Variants in AHRR observed in about 807,000 individuals in gnomAD.
The protein encoded by AHRR is aryl hydrocarbon receptor repressor.
A neutral mutation model predicts 44.0 loss-of-function variants in AHRR; 28 were observed. The ratio of observed to expected loss-of-function variants is 0.64; its 90% CI spans 0.47 to 0.87. The LOEUF (loss-of-function observed/expected upper bound fraction) is 0.87, where lower values mean the gene tolerates loss of function less well. AHRR is among the 40% of genes least tolerant of loss of function. The pLI is 0.00. For synonymous variants in AHRR, 434 were observed against 407.0 expected (o/e 1.07, Z -0.80); for missense variants, 990 against 953.9 (o/e 1.04, Z -0.50).
At position 414,132 on chromosome 5, in the gene AHRR, G is replaced by A. The variant is rs189602935; in HGVS notation, c.441+699G>A. 1.4e-3 allele frequency among the ~76,000 whole-genome samples: 213 copies of A among 152,192 alleles called. 1 individual carries two copies. Among genetic ancestry groups the A allele is most frequent in the African/African-American group, 4.6e-3 (192 of 41,540 alleles). Reference sequence around the variant, plus strand: ...ACAAAAATTAGCTGGGTGTGGTGGCGTGCACCCGTAGTCCCAGCTACTAGG... The same window carrying A: ...ACAAAAATTAGCTGGGTGTGGTGGCATGCACCCGTAGTCCCAGCTACTAGG... On this transcript the variant is annotated intron_variant, in intron 5 of 10. Transcript: ENST00000684583.
Position 416,844 on chromosome 5 carries a change from C to T in AHRR, c.441+3411C>T, listed in dbSNP as rs546351922. Among the ~76,000 whole-genome samples, 25 of 152,306 alleles carry T rather than the reference C, an allele frequency of 1.6e-4. 1 individual carries two copies. The South Asian group carries it at 4.6e-3, about 28-fold the overall frequency. On this transcript the variant is annotated intron_variant, in intron 5 of 10. Coordinates refer to ENST00000684583, the MANE Select transcript of AHRR (RefSeq NM_001377236.1). ...TTTGTCAACTTAAACAGAGCAGCTT[C>T]GGCTTGGTCTTTTTGTGCAGGGCCC... is the stretch of plus-strand genomic sequence containing the variant.
At chr5:340,742 G>C (rs1490522341) in intron 1 of AHRR, among the ~76,000 whole-genome samples, 1 of 109,006 alleles carries the variant, frequency 9.2e-6, no homozygotes, top group Non-Finnish European at 1.8e-5. Context: ...TGTTGCTCAG[G>C]TTGGAGTGCA....
chr5:327,511 A>G (rs1163307080), intron 1 of AHRR, among the ~76,000 whole-genome samples: 1 of 152,190 alleles, frequency 6.6e-6, no homozygotes, highest in African/African-American at 2.4e-5. Context: ...GTTTCGCTTA[A>G]TGACCTCCAG....
Position 405,662 on chromosome 5 carries a change from C to T in AHRR, c.352-7682C>T, listed in dbSNP as rs1019881296. On this transcript the variant is annotated intron_variant, in intron 4 of 10. Coordinates refer to ENST00000684583, the MANE Select transcript of AHRR (RefSeq NM_001377236.1). This position sits in a 1 kb window ranked among gnomAD's most constrained non-coding sequence, Gnocchi z 4.5. ...GTGGGAGTGAGGGCCTTCGGGTCGCCGGCACCTGACCCAGCAGCCTTGTCC... is the reference window on the plus strand; with the variant it reads ...GTGGGAGTGAGGGCCTTCGGGTCGCTGGCACCTGACCCAGCAGCCTTGTCC... 1.3e-5 allele frequency among the ~76,000 whole-genome samples: 2 copies of T among 152,210 alleles called. No homozygotes were observed. Among genetic ancestry groups the T allele is most frequent in the South Asian group, 2.1e-4 (1 of 4,830 alleles).
At chr5:390,772 T>C (rs543958694) in intron 4 of AHRR, among the ~76,000 whole-genome samples, 1 of 151,938 alleles carries the variant, frequency 6.6e-6, no homozygotes, top group Non-Finnish European at 1.5e-5. Context: ...AGATCCTAAA[T>C]GCTCCCAGAG....
At chr5:349,541 C>G (rs1176208730) in intron 2 of AHRR, among the ~76,000 whole-genome samples, 2 of 149,920 alleles carry the variant, frequency 1.3e-5, no homozygotes, top group Non-Finnish European at 2.9e-5. Context: ...GATCACGCCA[C>G]TGCATTCCAG....
At chr5:362,718 G>A (rs960993217) in intron 3 of AHRR, among the ~76,000 whole-genome samples, 1 of 152,190 alleles carries the variant, frequency 6.6e-6, no homozygotes, top group Non-Finnish European at 1.5e-5. Context: ...GATCACTCTT[G>A]ATTATTTTAG....
intron 4 of AHRR, among the ~76,000 whole-genome samples, chr5:379,324 A>G (rs1349347286): frequency 6.6e-6 from 1 of 152,166 alleles, no homozygotes; most frequent in Non-Finnish European, 1.5e-5. Context: ...GTGTCATTCA[A>G]CTGTTGAGGG....
chr5:350,113 A>T (rs1409979420), intron 2 of AHRR, among the ~76,000 whole-genome samples: 1 of 152,184 alleles, frequency 6.6e-6, no homozygotes, highest in African/African-American at 2.4e-5. Flanking sequence ...TTGCATTTCC[A>T]TGTAAATTTT....
chr5:354,743 C>T lies in AHRR; in HGVS notation c.244+832C>T, dbSNP rs1431745435. Among the ~76,000 whole-genome samples the T allele has an allele frequency of 1.3e-5, 2 of 152,110 alleles. 1 individual carries two copies. The highest frequency in any genetic ancestry group is 3.9e-4 in the East Asian group (2 of 5,178). On this transcript the variant is annotated intron_variant, in intron 3 of 10. Coordinates refer to ENST00000684583, the MANE Select transcript of AHRR (RefSeq NM_001377236.1). Reference sequence around the variant, plus strand: ...TGACCAGCAGCATGTGGCAGTTGTGCCCGGTGCCTGCACTCCTGAGTTTGA... The same window carrying T: ...TGACCAGCAGCATGTGGCAGTTGTGTCCGGTGCCTGCACTCCTGAGTTTGA...
chr5:325,633 T>C (rs7736482), intron 1 of AHRR, among the ~76,000 whole-genome samples: 15,034 of 145,934 alleles, frequency 0.1, 2,405 homozygotes, highest in African/African-American at 0.34. Context: ...CGTCCCACCC[T>C]CCGCACCACC....
chr5:373,944 G>A (rs1447839130), intron 3 of AHRR, among the ~76,000 whole-genome samples: 1 of 151,364 alleles, frequency 6.6e-6, no homozygotes, highest in East Asian at 1.9e-4. Flanking sequence ...GAAGTGGGCG[G>A]GCGCCCGCGG....
intron 7 of AHRR, among the ~76,000 whole-genome samples, chr5:424,374 A>C: frequency 1.1e-5 from 1 of 93,326 alleles, no homozygotes; most frequent in Non-Finnish European, 2.3e-5. Flanking sequence ...GGGGGTGTTA[A>C]CCCATGTGTC....
intron 3 of AHRR, among the ~76,000 whole-genome samples, chr5:373,085 G>C (rs1008228791): frequency 1.3e-5 from 2 of 152,246 alleles, no homozygotes; most frequent in South Asian, 2.1e-4. Context: ...AGCCGTGGGC[G>C]GACGGCTGGT....
In AHRR at chr5:337,764, G is replaced by A. The variant is rs1381089406; in HGVS notation, c.-10-6129G>A. Among the ~76,000 whole-genome samples, 2 of 152,126 alleles carry A rather than the reference G, an allele frequency of 1.3e-5. No homozygotes were observed. The highest frequency in any genetic ancestry group is 3.9e-4 in the East Asian group (2 of 5,194). On this transcript the variant is annotated intron_variant, in intron 1 of 10. Transcript: ENST00000684583. This position sits in a 1 kb window ranked among gnomAD's most constrained non-coding sequence, Gnocchi z 4.1. ...GAAGGGGGCTCCCTTCCCAAAGCTG[G>A]GGCTCGGGCCTCATTGGAGGAGGTG...
intron 3 of AHRR, among the ~76,000 whole-genome samples, chr5:373,699 T>C (rs1455704937): frequency 1.3e-5 from 2 of 150,930 alleles, no homozygotes; most frequent in Non-Finnish European, 3.0e-5. Context: ...ACCCCCAGGC[T>C]CAGGGAGGGC....
chr5:415,614 C>CCGAATCTGCCTGGTCTGCT (rs1735745120), intron 5 of AHRR, among the ~76,000 whole-genome samples: 4 of 66,368 alleles, frequency 6.0e-5, no homozygotes, highest in East Asian at 3.9e-4. Context: ...CCTGGTGGGG[C>CCGAATCTGCCTGGTCTGCT]GGGAGGCCTA....
chr5:342,558 C>G lies in AHRR; in HGVS notation c.-10-1335C>G, dbSNP rs1208140652. 6.6e-6 allele frequency among the ~76,000 whole-genome samples: 1 copy of G among 152,210 alleles called. No homozygotes were observed. Among genetic ancestry groups the G allele is most frequent in the Non-Finnish European group, 1.5e-5 (1 of 68,040 alleles). On this transcript the variant is annotated intron_variant, in intron 1 of 10. Transcript: ENST00000684583. This position sits in a 1 kb window ranked among gnomAD's most constrained non-coding sequence, Gnocchi z 4.3. ...CTAAGTCTTTACAGTCCAAGTGGAT[C>G]CATGACACATTTCTGACATTTTTAT... is the stretch of plus-strand genomic sequence containing the variant.
intron 5 of AHRR, among the ~76,000 whole-genome samples, chr5:421,729 G>A (rs1429209378): frequency 1.3e-5 from 2 of 152,210 alleles, no homozygotes; most frequent in African/African-American, 4.8e-5. Flanking sequence ...CCCCTTTAGT[G>A]AGGGCCACCT....
Sources: gnomAD v4.1 joint callset for allele counts (sites outside exome capture counted in the v4.1 genomes callset) on GRCh38, gnomAD v4.1.1 for gene constraint, Gnocchi (gnomAD v3.1) non-coding constraint, MANE v1.5 for transcripts, NCBI Gene and HGNC (gene_info 2026-07-23, HGNC 2026-07-21) for gene names.